Variants in CLMN observed in about 807,000 individuals in gnomAD.
CLMN encodes the protein calmin.
Under a neutral mutation model 92.7 loss-of-function variants are expected in CLMN, and 57 were observed. The ratio of observed to expected loss-of-function variants is 0.61; its 90% CI spans 0.50 to 0.77. The LOEUF (loss-of-function observed/expected upper bound fraction) is 0.77, where lower values mean the gene tolerates loss of function less well. Ranked by LOEUF, CLMN falls within the 30% of genes least tolerant of loss-of-function variation. CLMN has a pLI of 0.00. For missense variants in CLMN, 1,158 were observed against 1,237.5 expected (o/e 0.94, Z 0.96); for synonymous variants, 466 against 470.6 (o/e 0.99, Z 0.13).
intron 1 of CLMN, among the ~76,000 whole-genome samples, chr14:95,280,738 C>T (rs1900114868): frequency 6.6e-6 from 1 of 151,992 alleles, no homozygotes; most frequent in African/African-American, 2.4e-5. Flanking sequence ...TGGTGTTTGG[C>T]TTTTGTTGGG....
intron 3 of CLMN, among the ~76,000 whole-genome samples, chr14:95,222,073 A>G (rs1387772488): frequency 1.3e-5 from 2 of 152,084 alleles, no homozygotes; most frequent in Non-Finnish European, 2.9e-5. Context: ...CAAATTTGTC[A>G]ATTTTTTTCT....
At chr14:95,245,231 ATATATATT>A in intron 1 of CLMN, among the ~76,000 whole-genome samples, 4 of 34,206 alleles carry the variant, frequency 1.2e-4, no homozygotes, top group African/African-American at 7.1e-4. Context: ...TATATTATAT[ATATATATT>A]ATATATATAT....
Position 95,223,796 on chromosome 14 carries a change from T to C in CLMN, c.204A>G (p.Leu68=), listed in dbSNP as rs188825482. 8 of 1,613,944 alleles carry C rather than the reference T, an allele frequency of 5.0e-6. No individual in the cohort carries two copies. Among genetic ancestry groups the C allele is most frequent in the Admixed American group, 3.3e-5 (2 of 59,944 alleles). Residue 68 remains leucine, a synonymous_variant, in exon 3 of 13, where the codon CTA becomes CTG. Transcript: ENST00000298912. ...LFVDIQDGKI[L]MALLEVLSGR... ...CAGACAGGACTTCTAACAAAGCCAT[T>C]AGGATTTTGCCATCTTGTATATCGA... is the stretch of plus-strand genomic sequence containing the variant.
At chr14:95,305,205 C>T (rs1901225960) in intron 1 of CLMN, among the ~76,000 whole-genome samples, 1 of 152,228 alleles carries the variant, frequency 6.6e-6, no homozygotes, top group Non-Finnish European at 1.5e-5. Flanking sequence ...TATTATTCTT[C>T]CCATTGTACC....
At chr14:95,257,403 T>C (rs1307500940) in intron 1 of CLMN, among the ~76,000 whole-genome samples, 2 of 152,240 alleles carry the variant, frequency 1.3e-5, no homozygotes, top group Non-Finnish European at 2.9e-5. Context: ...TTCATTGACA[T>C]AGACCCTGCA....
intron 1 of CLMN, among the ~76,000 whole-genome samples, chr14:95,292,428 T>TCTCCCA (rs1555394943): frequency 1.4e-5 from 1 of 74,058 alleles, no homozygotes; most frequent in Non-Finnish European, 2.7e-5. Context: ...CCCCCAAGGG[T>TCTCCCA]CCCCCACCCC....
chr14:95,245,867 CATGGATGGATGG>C (rs146057054), intron 1 of CLMN, among the ~76,000 whole-genome samples: 1 of 131,064 alleles, frequency 7.6e-6, no homozygotes, highest in Non-Finnish European at 1.7e-5. Context: ...TGGATGGATG[CATGGATGGATGG>C]ATGGATGGAT....
chr14:95,227,837 A>G (rs1354786212), intron 2 of CLMN, among the ~76,000 whole-genome samples: 1 of 152,208 alleles, frequency 6.6e-6, no homozygotes, highest in Non-Finnish European at 1.5e-5. Flanking sequence ...CTCAGTAAAT[A>G]TTTCTGACAG....
chr14:95,318,971 C>G (rs1159152089), intron 1 of CLMN, among the ~76,000 whole-genome samples: 8 of 152,174 alleles, frequency 5.3e-5, no homozygotes, highest in Non-Finnish European at 1.0e-4. Flanking sequence ...ACCGCCATAC[C>G]CAGCCGCTCT....
chr14:95,270,785 A>AT (rs1343632605), intron 1 of CLMN, among the ~76,000 whole-genome samples: 5 of 151,922 alleles, frequency 3.3e-5, no homozygotes, highest in South Asian at 2.1e-4. Flanking sequence ...ATTTGCATTC[A>AT]TTTTTTTTAC....
At chr14:95,236,148 C>T (rs867430820) in intron 1 of CLMN, among the ~76,000 whole-genome samples, 4 of 152,192 alleles carry the variant, frequency 2.6e-5, no homozygotes, top group South Asian at 2.1e-4. Flanking sequence ...ATGTGGTCCC[C>T]GTTTTACAGG....
chr14:95,312,542 T>A (rs895889289), intron 1 of CLMN, among the ~76,000 whole-genome samples: 2 of 152,170 alleles, frequency 1.3e-5, no homozygotes, highest in Non-Finnish European at 2.9e-5. Context: ...GATTGCTGTA[T>A]TCTGCATAGC....
intron 2 of CLMN, among the ~76,000 whole-genome samples, chr14:95,224,636 G>T (rs376435146): frequency 6.6e-6 from 1 of 152,152 alleles, no homozygotes; most frequent in African/African-American, 2.4e-5. Flanking sequence ...AGTGATAGTC[G>T]CAGCATTTGG....
chr14:95,239,762 C>G (rs1305673573), intron 1 of CLMN, among the ~76,000 whole-genome samples: 1 of 152,192 alleles, frequency 6.6e-6, no homozygotes, highest in Non-Finnish European at 1.5e-5. Flanking sequence ...AAACTAAGTG[C>G]ATTTGAACCC....
In CLMN at chr14:95,204,026, G is replaced by A; in HGVS notation, c.1323C>T (p.Asn441=). The change falls in exon 9 of 13, where the codon AAC becomes AAT. Residue 441 remains asparagine, a synonymous_variant. Transcript: ENST00000298912. ...GGCTCCCTTCAAAGCAAAGGGACAG[G>A]TTCTTACTGCAGAAAGGATCCTTGT... is the stretch of plus-strand genomic sequence containing the variant. ...DTYKDPFCSK[N]LSLCFEGSPR... 1 of 1,614,174 alleles carries A rather than the reference G, an allele frequency of 6.2e-7. No individual in the cohort carries two copies. The highest frequency in any genetic ancestry group is 8.5e-7 in the Non-Finnish European group (1 of 1,180,040).
intron 1 of CLMN, among the ~76,000 whole-genome samples, chr14:95,309,807 A>G (rs74077865): frequency 0.062 from 9,448 of 152,348 alleles, 308 homozygotes; most frequent in Middle Eastern, 0.095. Flanking sequence ...CTATGGAAGC[A>G]GAGAAGGCTT....
intron 9 of CLMN, among the ~76,000 whole-genome samples, chr14:95,200,621 G>A (rs1443651059): frequency 6.6e-6 from 1 of 152,168 alleles, no homozygotes; most frequent in Admixed American, 6.5e-5. Flanking sequence ...CTCCCCATCA[G>A]GCCAGCCGCC....
At chr14:95,246,854 C>T (rs1898591990) in intron 1 of CLMN, among the ~76,000 whole-genome samples, 2 of 152,190 alleles carry the variant, frequency 1.3e-5, no homozygotes, top group South Asian at 2.1e-4. Flanking sequence ...TTTAAAATAT[C>T]CCTGCCCCCA....
intron 1 of CLMN, among the ~76,000 whole-genome samples, chr14:95,275,517 A>C (rs1899891232): frequency 6.6e-6 from 1 of 152,196 alleles, no homozygotes. Flanking sequence ...AAGGGGAGGA[A>C]AACTCAGTTC....
Sources: gnomAD v4.1 joint callset for allele counts (sites outside exome capture counted in the v4.1 genomes callset) on GRCh38, gnomAD v4.1.1 for gene constraint, MANE v1.5 for transcripts, NCBI Gene and HGNC (gene_info 2026-07-23, HGNC 2026-07-21) for gene names.